TTC4: variants seen among roughly 807,000 people sequenced by gnomAD.
The protein encoded by TTC4 is tetratricopeptide repeat domain 4, also known as hsp70/Hsp90 co-chaperone CNS1 homolog.
TTC4 carries 36 observed loss-of-function variants against 51.9 expected under a neutral mutation model. The observed-to-expected ratio is 0.69, with a 90% confidence interval of 0.53 to 0.92. The LOEUF (loss-of-function observed/expected upper bound fraction) is 0.92. TTC4 is among the 40% of genes least tolerant of loss of function. TTC4 has a pLI of 0.00. For synonymous variants in TTC4, 144 were observed against 164.2 expected (o/e 0.88, Z 0.94); for missense variants, 399 against 454.6 (o/e 0.88, Z 1.11).
At chr1:54,722,918 C>G in intron 5 of TTC4, 119 bp downstream of exon 5, 1 of 1,317,938 alleles carries the variant, frequency 7.6e-7, no homozygotes, top group Non-Finnish European at 1.0e-6. Flanking sequence ...CTAGTCCCTA[C>G]TCCTGGAACT....
intron 4 of TTC4, 36 bp downstream of exon 4, chr1:54,721,276 CT>C: frequency 6.2e-7 from 1 of 1,601,370 alleles, no homozygotes; most frequent in African/African-American, 1.3e-5. Context: ...ACATTTAAAG[CT>C]TTGATATGAA....
chr1:54,724,906 A>G (rs1645782434), intron 5 of TTC4, among the ~76,000 whole-genome samples: 1 of 152,228 alleles, frequency 6.6e-6, no homozygotes, highest in African/African-American at 2.4e-5. Context: ...GGTTTGCAGC[A>G]ATCTGGAGCA....
chr1:54,728,509 G>T, intron 6 of TTC4, 77 bp downstream of exon 6: 1 of 1,383,604 alleles, frequency 7.2e-7, no homozygotes, highest in Non-Finnish European at 1.0e-6. Flanking sequence ...AACCTTTCTT[G>T]GGATGCTTTA....
At chr1:54,736,626 C>T (rs1436718761) in intron 8 of TTC4, 1 of 152,226 alleles carries the variant, frequency 6.6e-6, no homozygotes, top group Non-Finnish European at 1.5e-5. Flanking sequence ...CTGCCTCAGC[C>T]TCCCAAGTGT....
chr1:54,724,965 G>A (rs1252134528), intron 5 of TTC4, among the ~76,000 whole-genome samples: 2 of 152,194 alleles, frequency 1.3e-5, no homozygotes, highest in Non-Finnish European at 2.9e-5. Flanking sequence ...AGCAAGCTTT[G>A]TGACATTTTA....
At position 54,729,880 on chromosome 1, in the gene TTC4, C is replaced by T. The variant is rs982515431; in HGVS notation, c.681+1448C>T. On this transcript the variant is annotated intron_variant, in intron 6 of 9. Coordinates refer to ENST00000371281, the MANE Select transcript of TTC4 (RefSeq NM_004623.5). ...GGACTACAGGTGCACACCACCATGCCCAGCTAATTTTTGTATTTTTAGTAG... is the reference window on the plus strand; with the variant it reads ...GGACTACAGGTGCACACCACCATGCTCAGCTAATTTTTGTATTTTTAGTAG... Among the ~76,000 whole-genome samples the T allele has an allele frequency of 3.3e-5, 5 of 152,186 alleles. No individual in the cohort carries two copies. In the South Asian group the frequency reaches 1.0e-3, roughly 32 times the overall value.
chr1:54,728,780 T>C (rs1489068774), intron 6 of TTC4, among the ~76,000 whole-genome samples: 1 of 152,184 alleles, frequency 6.6e-6, no homozygotes, highest in East Asian at 1.9e-4. Flanking sequence ...CCCACAAATA[T>C]AATGCCTTTT....
At chr1:54,716,869 G>C in intron 2 of TTC4, 152 bp downstream of exon 2, 1 of 656,780 alleles carries the variant, frequency 1.5e-6, no homozygotes, top group Non-Finnish European at 2.6e-6. Flanking sequence ...CCTACTAAGT[G>C]GTAAGGACTG....
At chr1:54,737,339 G>A in intron 8 of TTC4, 2 of 445,256 alleles carry the variant, frequency 4.5e-6, no homozygotes, top group Non-Finnish European at 4.1e-6. Context: ...GCAGGGTAAT[G>A]TTGGCAAGTT....
chr1:54,734,159 C>T (rs1645906171), intron 8 of TTC4, among the ~76,000 whole-genome samples: 1 of 152,084 alleles, frequency 6.6e-6, no homozygotes, highest in African/African-American at 2.4e-5. Flanking sequence ...GCAACCTCTG[C>T]CTCCCAGGTT....
intron 8 of TTC4, among the ~76,000 whole-genome samples, chr1:54,735,372 A>C (rs1645921061): frequency 6.6e-6 from 1 of 151,896 alleles, no homozygotes; most frequent in Non-Finnish European, 1.5e-5. Flanking sequence ...CTACTCAGAT[A>C]CCACGCCCAG....
chr1:54,723,014 A>G (rs1645761826), intron 5 of TTC4, among the ~76,000 whole-genome samples: 1 of 152,214 alleles, frequency 6.6e-6, no homozygotes, highest in African/African-American at 2.4e-5. Flanking sequence ...TAGTACAGTC[A>G]TGTGCCACAT....
At chr1:54,736,189 A>AAAGAGAGAGAAAGAAAGAAAG (rs377249853) in intron 8 of TTC4, among the ~76,000 whole-genome samples, 2 of 50,154 alleles carry the variant, frequency 4.0e-5, no homozygotes, top group African/African-American at 1.9e-4. Flanking sequence ...AGAGAGAGAG[A>AAAGAGAGAGAAAGAAAGAAAG]GAGAGAGAGA....
In TTC4 at chr1:54,728,365, T is replaced by C. The variant is rs757737831; in HGVS notation, c.614T>C (p.Val205Ala). The C allele has an allele frequency of 6.2e-7, 1 of 1,612,856 alleles. No individual in the cohort carries two copies. Among genetic ancestry groups the C allele is most frequent in the South Asian group, 1.1e-5 (1 of 90,994 alleles). Reference protein sequence around the residue: ...DKLKRIEQRDVRKANLKEKKE... With the variant: ...DKLKRIEQRDARKANLKEKKE... ...TTTTAGCGAATTGAACAGAGGGATG[T>C]GAGGAAAGCCAACTTGAAAGAAAAG... The change falls in exon 6 of 10, where the codon GTG becomes GCG. Residue 205 changes from valine to alanine, a missense_variant. Coordinates refer to ENST00000371281, the MANE Select transcript of TTC4 (RefSeq NM_004623.5).
At chr1:54,718,493 C>T (rs895461026) in intron 3 of TTC4, among the ~76,000 whole-genome samples, 9 of 152,044 alleles carry the variant, frequency 5.9e-5, no homozygotes, top group East Asian at 1.9e-4. Flanking sequence ...GTGATCCATC[C>T]GCCTCAGCCT....
intron 2 of TTC4, among the ~76,000 whole-genome samples, chr1:54,717,071 C>G (rs1645685508): frequency 6.6e-6 from 1 of 152,114 alleles, no homozygotes. Flanking sequence ...GAAATTTGAG[C>G]TGAATCTTTG....
At chr1:54,736,082 C>G (rs1035212170) in intron 8 of TTC4, among the ~76,000 whole-genome samples, 3 of 150,066 alleles carry the variant, frequency 2.0e-5, no homozygotes, top group Non-Finnish European at 4.4e-5. Context: ...ATAAGTGTAT[C>G]GATTAATACA....
At chr1:54,736,870 A>T (rs1251828134) in intron 8 of TTC4, 1 of 152,628 alleles carries the variant, frequency 6.6e-6, no homozygotes, top group Non-Finnish European at 1.5e-5. Flanking sequence ...CTACATGGAC[A>T]TCCTCCTCAT....
chr1:54,736,079 T>C (rs2101358460), intron 8 of TTC4, among the ~76,000 whole-genome samples: 1 of 152,110 alleles, frequency 6.6e-6, no homozygotes, highest in Admixed American at 6.5e-5. Context: ...TGTATAAGTG[T>C]ATCGATTAAT....
Sources: gnomAD v4.1 joint callset for allele counts (sites outside exome capture counted in the v4.1 genomes callset) on GRCh38, gnomAD v4.1.1 for gene constraint, MANE v1.5 for transcripts, NCBI Gene and HGNC (gene_info 2026-07-23, HGNC 2026-07-21) for gene names.